Variants in SBF2 observed in about 807,000 individuals in gnomAD.
The protein encoded by SBF2 is myotubularin-related protein 13.
Under a neutral mutation model 225.2 loss-of-function variants are expected in SBF2, and 112 were observed. That is an observed-to-expected ratio of 0.50 (90% CI 0.43 to 0.58). The LOEUF (loss-of-function observed/expected upper bound fraction) is 0.58. Ranked by LOEUF, SBF2 falls within the 20% of genes least tolerant of loss-of-function variation. The pLI, the probability that SBF2 is intolerant of heterozygous loss-of-function variation, is 0.00. For missense variants in SBF2, 1,996 were observed against 2,206.2 expected, an observed-to-expected ratio of 0.90 and a Z score of 1.91; for synonymous variants, 763 against 773.3, an observed-to-expected ratio of 0.99 and a Z score of 0.22.
rs1348512101 is a variant in SBF2, at chr11:10,163,061, T to A, written c.141+30841A>T. 2.0e-5 allele frequency among the ~76,000 whole-genome samples: 3 copies of A among 152,274 alleles called. No individual in the cohort carries two copies. In the East Asian group the frequency reaches 5.8e-4, roughly 29 times the overall value. On this transcript the variant is annotated intron_variant, in intron 2 of 39. Coordinates refer to ENST00000256190, the MANE Select transcript of SBF2 (RefSeq NM_030962.4). ...AAAACATGAAGTCCAAAGGACTAGA[T>A]AAATTCACTGAGGGACAAAGCTAAT...
rs866984733 is a variant in SBF2 at position 9,885,261 on chromosome 11, A to C, written c.1929+10682T>G. On this transcript the variant is annotated intron_variant, in intron 17 of 39. Transcript: ENST00000256190. ...GTGAAACTTTTCCTCCAAAAAAAAA[A>C]AAAAAAAAAAAAAAACCCCACCCCC... Among the ~76,000 whole-genome samples the C allele has an allele frequency of 2.0e-5, 3 of 149,620 alleles. No homozygotes were observed. In the South Asian group the frequency reaches 6.5e-4, roughly 32 times the overall value.
At position 9,823,544 on chromosome 11, in the gene SBF2, G is replaced by A. The variant is rs185833752; in HGVS notation, c.3793+5812C>T. Among the ~76,000 whole-genome samples the A allele has an allele frequency of 2.1e-3, 318 of 152,082 alleles. 1 individual carries two copies. The highest frequency in any genetic ancestry group is 7.2e-3 in the African/African-American group (297 of 41,478). On this transcript the variant is annotated intron_variant, in intron 28 of 39. Coordinates refer to ENST00000256190, the MANE Select transcript of SBF2 (RefSeq NM_030962.4). ...GAAGAAGAAGAATTAAATGATAGGA[G>A]GCTCCTCTCACAGTGGTATCTAACT...
In SBF2 at chr11:9,992,811, T is replaced by G. The variant is rs543518974; in HGVS notation, c.1167+179A>C. Among the ~76,000 whole-genome samples the G allele has an allele frequency of 3.6e-5, 4 of 109,778 alleles. No homozygotes were observed. The East Asian group carries it at 7.6e-4, about 21-fold the overall frequency. 72.0% of individuals were successfully genotyped at this position (109,778 alleles called of 152,430 possible). ...GAAAAATTGATTTAAAGTTAACATA[T>G]TCTAAGATATTATGAGTTCCATATT... On this transcript the variant is annotated intron_variant, in intron 11 of 39. Coordinates refer to ENST00000256190, the MANE Select transcript of SBF2 (RefSeq NM_030962.4).
chr11:10,083,692 A>T (rs1243304499), intron 2 of SBF2, among the ~76,000 whole-genome samples: 1 of 152,174 alleles, frequency 6.6e-6, no homozygotes, highest in Non-Finnish European at 1.5e-5. Flanking sequence ...AATAAAATAG[A>T]ACCCATATCT....
intron 2 of SBF2, among the ~76,000 whole-genome samples, chr11:10,165,525 A>G (rs1383689655): frequency 2.6e-5 from 4 of 152,190 alleles, no homozygotes; most frequent in Non-Finnish European, 5.9e-5. Flanking sequence ...ATGTCCAAAG[A>G]TTTGCCGAAG....
intron 1 of SBF2, among the ~76,000 whole-genome samples, chr11:10,282,806 C>T (rs936086161): frequency 2.0e-5 from 3 of 151,336 alleles, no homozygotes; most frequent in Non-Finnish European, 3.0e-5. Flanking sequence ...CATTTTTCAA[C>T]AGACCCCACC....
At chr11:10,194,383 G>A (rs1957288735) in intron 1 of SBF2, among the ~76,000 whole-genome samples, 1 of 152,124 alleles carries the variant, frequency 6.6e-6, no homozygotes, top group East Asian at 1.9e-4. Context: ...TAGGTTATAT[G>A]CAAATACTAC....
intron 1 of SBF2, among the ~76,000 whole-genome samples, chr11:10,235,821 T>C (rs989456894): frequency 1.3e-5 from 2 of 152,096 alleles, no homozygotes; most frequent in Non-Finnish European, 2.9e-5. Context: ...TTTTTAAAAA[T>C]GTAGTCCAGG....
At chr11:10,065,157 A>G (rs1197613955) in intron 2 of SBF2, among the ~76,000 whole-genome samples, 1 of 152,220 alleles carries the variant, frequency 6.6e-6, no homozygotes, top group Non-Finnish European at 1.5e-5. Flanking sequence ...CTAAATGCAT[A>G]CCTAAATAAC....
chr11:10,039,292 T>A (rs1448724319), intron 3 of SBF2, among the ~76,000 whole-genome samples: 1 of 151,868 alleles, frequency 6.6e-6, no homozygotes, highest in Non-Finnish European at 1.5e-5. Flanking sequence ...ACATAAACAG[T>A]TCATGCCAAA....
At chr11:10,260,487 C>T (rs11607621) in intron 1 of SBF2, among the ~76,000 whole-genome samples, 41,225 of 151,556 alleles carry the variant, frequency 0.27, 6,377 homozygotes, top group Non-Finnish European at 0.35. Context: ...GAGGCCAAGG[C>T]GGGCAGATCA....
intron 2 of SBF2, among the ~76,000 whole-genome samples, chr11:10,044,028 A>G (rs1329264253): frequency 6.6e-6 from 1 of 152,244 alleles, no homozygotes. Context: ...TTGAATGCAC[A>G]TATTAGAAAA....
intron 13 of SBF2, among the ~76,000 whole-genome samples, chr11:9,975,544 T>C (rs901495382): frequency 5.9e-5 from 9 of 152,232 alleles, no homozygotes; most frequent in Non-Finnish European, 1.2e-4. Context: ...TACCTACTTA[T>C]TGTGATGCTA....
chr11:10,070,193 G>A (rs1172743938), intron 2 of SBF2, among the ~76,000 whole-genome samples: 1 of 152,150 alleles, frequency 6.6e-6, no homozygotes, highest in Admixed American at 6.5e-5. Flanking sequence ...GGCTTTTGTT[G>A]CCATTGCTTT....
chr11:9,970,805 A>G (rs1867281819), intron 13 of SBF2, among the ~76,000 whole-genome samples: 1 of 152,202 alleles, frequency 6.6e-6, no homozygotes, highest in Non-Finnish European at 1.5e-5. Context: ...GCTCTCATAC[A>G]TGCTCTGTAT....
chr11:10,277,230 G>A (rs1174035201), intron 1 of SBF2, among the ~76,000 whole-genome samples: 1 of 144,344 alleles, frequency 6.9e-6, no homozygotes, highest in Non-Finnish European at 1.5e-5. Context: ...GACCAGCCTA[G>A]GCATCACAAA....
intron 2 of SBF2, among the ~76,000 whole-genome samples, chr11:10,105,047 TC>T (rs540415788): frequency 9.0e-4 from 137 of 152,332 alleles, no homozygotes; most frequent in African/African-American, 3.1e-3. Flanking sequence ...GGCCTTTTTT[TC>T]CCCCTGTAAT....
intron 1 of SBF2, among the ~76,000 whole-genome samples, chr11:10,274,740 G>C (rs1414773495): frequency 1.7e-5 from 2 of 120,428 alleles, no homozygotes; most frequent in East Asian, 2.3e-4. Context: ...GACAGAGCAA[G>C]ACTCCATCTC....
At chr11:9,920,200 G>A (rs1459774952) in intron 16 of SBF2, among the ~76,000 whole-genome samples, 5 of 144,510 alleles carry the variant, frequency 3.5e-5, no homozygotes, top group Non-Finnish European at 7.7e-5. Context: ...GTGTGTGTGT[G>A]TGTGTATATA....
Sources: allele counts gnomAD v4.1 joint callset (sites outside exome capture counted in the v4.1 genomes callset), GRCh38; gene constraint gnomAD v4.1.1; transcripts MANE v1.5; gene names NCBI Gene and HGNC (gene_info 2026-07-23, HGNC 2026-07-21).